TENM4: variants seen among roughly 807,000 people sequenced by gnomAD.
The protein encoded by TENM4 is teneurin-4.
A neutral mutation model predicts 243.3 loss-of-function variants in TENM4; 82 were observed. The ratio of observed to expected loss-of-function variants is 0.34; its 90% confidence interval spans 0.28 to 0.40. The LOEUF (loss-of-function observed/expected upper bound fraction) is 0.40, where lower values mean the gene tolerates loss of function less well. Among genes scored for constraint, TENM4 ranks in the 10% least tolerant of loss-of-function variants. The probability of loss-of-function intolerance (pLI) is 1.00; values close to 1 mark genes in which losing one functional copy is unlikely to be tolerated. For missense variants in TENM4, 3,138 were observed against 3,673.3 expected (o/e 0.85, Z 3.77); for synonymous variants, 1,412 against 1,456.3 (o/e 0.97, Z 0.69).
intron 1 of TENM4, among the ~76,000 whole-genome samples, chr11:79,376,571 T>G (rs977103651): frequency 6.6e-6 from 1 of 152,224 alleles, no homozygotes; most frequent in Non-Finnish European, 1.5e-5. Flanking sequence ...TCCCTTGACC[T>G]ATCTATGAGC....
intron 1 of TENM4, among the ~76,000 whole-genome samples, chr11:79,431,769 G>A (rs1168230061): frequency 6.6e-6 from 1 of 152,156 alleles, no homozygotes; most frequent in East Asian, 1.9e-4. Flanking sequence ...CCCAGGAAAT[G>A]AACCCAGTCC....
intron 3 of TENM4, among the ~76,000 whole-genome samples, chr11:79,199,781 T>A (rs1050860895): frequency 6.6e-6 from 1 of 152,162 alleles, no homozygotes; most frequent in South Asian, 2.1e-4. Flanking sequence ...GAGGGTTTAG[T>A]CCCAGACAGT....
intron 6 of TENM4, among the ~76,000 whole-genome samples, chr11:79,015,308 T>G (rs1858743691): frequency 6.6e-6 from 1 of 152,118 alleles, no homozygotes; most frequent in Admixed American, 6.5e-5. Flanking sequence ...CACTGCAATC[T>G]CAAACACCTT....
At chr11:79,214,242 G>A (rs780793020) in intron 3 of TENM4, among the ~76,000 whole-genome samples, 4 of 152,172 alleles carry the variant, frequency 2.6e-5, no homozygotes, top group Middle Eastern at 3.4e-3. Context: ...TGATCTACCC[G>A]CCTTGGCCTC....
At chr11:79,226,800 T>C (rs1245067016) in intron 2 of TENM4, among the ~76,000 whole-genome samples, 1 of 152,168 alleles carries the variant, frequency 6.6e-6, no homozygotes, top group African/African-American at 2.4e-5. Flanking sequence ...TAAAACATGA[T>C]GGTTTTTATC....
chr11:79,247,141 G>A (rs1855532313), intron 2 of TENM4, among the ~76,000 whole-genome samples: 1 of 151,964 alleles, frequency 6.6e-6, no homozygotes, highest in Non-Finnish European at 1.5e-5. Context: ...TGCTGGCCAG[G>A]TGCGGTGTCT....
chr11:79,095,908 TC>T (rs1861064915), intron 4 of TENM4: 1 of 152,166 alleles, frequency 6.6e-6, no homozygotes, highest in Non-Finnish European at 1.5e-5. Context: ...CACCCTGTGT[TC>T]CCATGGCAGC....
intron 27 of TENM4, among the ~76,000 whole-genome samples, chr11:78,707,676 A>G (rs1478037324): frequency 1.3e-5 from 2 of 152,236 alleles, no homozygotes; most frequent in African/African-American, 4.8e-5. Flanking sequence ...TTCAACCTGT[A>G]AAACTTGCAT....
chr11:79,289,276 G>T (rs550503652), intron 2 of TENM4, among the ~76,000 whole-genome samples: 2 of 152,328 alleles, frequency 1.3e-5, no homozygotes, highest in South Asian at 4.1e-4. Context: ...GTTTGCAGGG[G>T]AGTGGGAGAA....
intron 6 of TENM4, among the ~76,000 whole-genome samples, chr11:79,050,082 T>C (rs1859757995): frequency 1.3e-5 from 2 of 152,212 alleles, no homozygotes; most frequent in Admixed American, 6.5e-5. Flanking sequence ...CTGTCAGCAT[T>C]TAAAGCCAGG....
intron 3 of TENM4, among the ~76,000 whole-genome samples, chr11:79,173,964 T>C (rs1175445006): frequency 6.6e-6 from 1 of 152,240 alleles, no homozygotes; most frequent in Non-Finnish European, 1.5e-5. Flanking sequence ...TTTATGTTTA[T>C]GAAAACAGAT....
At chr11:78,880,324 C>A (rs746339492) in intron 9 of TENM4, among the ~76,000 whole-genome samples, 36 of 152,158 alleles carry the variant, frequency 2.4e-4, no homozygotes, top group Non-Finnish European at 4.3e-4. Flanking sequence ...TGCGGAAGGC[C>A]GCAGGGACCT....
At chr11:79,339,065 G>A (rs1371476571) in intron 1 of TENM4, among the ~76,000 whole-genome samples, 1 of 152,188 alleles carries the variant, frequency 6.6e-6, no homozygotes, top group Admixed American at 6.5e-5. Context: ...CTGGGGCTCT[G>A]AGTGCCAGGA....
intron 29 of TENM4, among the ~76,000 whole-genome samples, chr11:78,687,014 G>A (rs1185456944): frequency 6.6e-6 from 1 of 152,112 alleles, no homozygotes; most frequent in Non-Finnish European, 1.5e-5. Flanking sequence ...TATGTGCTTG[G>A]CTCATGCTAG....
At chr11:79,410,956 T>C (rs1316535246) in intron 1 of TENM4, among the ~76,000 whole-genome samples, 27 of 151,188 alleles carry the variant, frequency 1.8e-4, no homozygotes, top group Non-Finnish European at 7.4e-5. Context: ...TACACACACA[T>C]ACACACACAC....
At chr11:79,188,688 AAG>A (rs1040770620) in intron 3 of TENM4, among the ~76,000 whole-genome samples, 8 of 150,554 alleles carry the variant, frequency 5.3e-5, no homozygotes, top group African/African-American at 2.0e-4. Context: ...AAGAGGAGAA[AAG>A]AGAGAGAGGA....
intron 2 of TENM4, among the ~76,000 whole-genome samples, chr11:79,231,549 AT>A (rs1864373620): frequency 6.6e-6 from 1 of 152,212 alleles, no homozygotes; most frequent in African/African-American, 2.4e-5. Context: ...GGGGGCTTAC[AT>A]CCAGGGCATC....
intron 14 of TENM4, among the ~76,000 whole-genome samples, chr11:78,810,660 C>T (rs151078316): frequency 0.014 from 2,149 of 152,316 alleles, 25 homozygotes; most frequent in Admixed American, 0.03. Flanking sequence ...CTTCCAGCCA[C>T]GCTTGGGGTT....
At chr11:79,352,774 C>T (rs1024754907) in intron 1 of TENM4, among the ~76,000 whole-genome samples, 2 of 151,976 alleles carry the variant, frequency 1.3e-5, no homozygotes, top group East Asian at 1.9e-4. Context: ...AGGAAGAGAG[C>T]GGGAGACAAA....
Sources: gnomAD v4.1 joint callset for allele counts (sites outside exome capture counted in the v4.1 genomes callset) on GRCh38, gnomAD v4.1.1 for gene constraint, MANE v1.5 for transcripts, NCBI Gene and HGNC (gene_info 2026-07-23, HGNC 2026-07-21) for gene names.